ABCE1: variants seen among roughly 807,000 people sequenced by gnomAD.
The protein encoded by ABCE1 is ATP-binding cassette sub-family E member 1.
ABCE1 carries 22 observed loss-of-function variants against 83.4 expected under a neutral mutation model. The ratio of observed to expected loss-of-function variants is 0.26; its 90% confidence interval spans 0.19 to 0.38. The LOEUF (loss-of-function observed/expected upper bound fraction) is 0.38, where lower values mean the gene tolerates loss of function less well. Ranked by LOEUF, ABCE1 falls within the 10% of genes least tolerant of loss-of-function variation. The probability of loss-of-function intolerance (pLI) is 1.00; values close to 1 mark genes in which losing one functional copy is unlikely to be tolerated. For missense variants in ABCE1, 330 were observed against 721.9 expected, an observed-to-expected ratio of 0.46 and a Z score of 6.22; for synonymous variants, 204 against 233.7, an observed-to-expected ratio of 0.87 and a Z score of 1.16.
At chr4:145,099,659 G>A (rs1344779799) in intron 1 of ABCE1, among the ~76,000 whole-genome samples, 1 of 152,202 alleles carries the variant, frequency 6.6e-6, no homozygotes, top group African/African-American at 2.4e-5. Context: ...TGAAATCAGA[G>A]CCGTGTACCA....
chr4:145,126,041 TGCCCCC>T (rs950722066), intron 17 of ABCE1, among the ~76,000 whole-genome samples: 29 of 152,130 alleles, frequency 1.9e-4, no homozygotes, highest in African/African-American at 6.7e-4. Flanking sequence ...TCTCTGTCCC[TGCCCCC>T]GCCCCCGCAA....
intron 16 of ABCE1, 69 bp downstream of exon 16, chr4:145,123,669 A>G (rs1749801243): frequency 1.4e-6 from 2 of 1,435,994 alleles, no homozygotes; most frequent in Non-Finnish European, 1.9e-6. Context: ...AAAGTCACTC[A>G]CTTTAATTTT....
Position 145,123,344 on chromosome 4 carries a change from C to T in ABCE1, c.1504C>T (p.Arg502Ter), listed in dbSNP as rs1749793147. The change falls in exon 15 of 18, where the codon CGA becomes TGA. Residue 502 changes from arginine to a stop codon, truncating the protein, a stop_gained. Transcript: ENST00000296577. LOFTEE classifies it high-confidence loss of function. Reference protein sequence around the residue: ...LDSEQRLMAARVVKRFILHAK... With the variant: ...LDSEQRLMAA ...TTCTGAGCAAAGACTGATGGCAGCT[C>T]GAGTTGTCAAACGGTAAATATCTTG... The T allele has an allele frequency of 6.2e-7, 1 of 1,605,134 alleles. No homozygotes were observed. Among genetic ancestry groups the T allele is most frequent in the Non-Finnish European group, 8.5e-7 (1 of 1,175,622 alleles).
Position 145,128,626 on chromosome 4 carries a change from G to A in ABCE1, c.*1053G>A, listed in dbSNP as rs551348928. On this transcript the variant is annotated 3_prime_UTR_variant, in exon 18 of 18. Transcript: ENST00000296577. ...TTCCAAAAACCCATCTAAATTTCTT[G>A]AGTTCCTGAATTTTGAACAGGATTA... The A allele has an allele frequency of 3.3e-5, 5 of 152,240 alleles. No individual in the cohort carries two copies. The South Asian group carries it at 1.0e-3, about 32-fold the overall frequency. 9.4% of individuals were successfully genotyped at this position (152,240 alleles called of 1,614,324 possible).
chr4:145,111,893 C>T (rs1749486283), intron 8 of ABCE1, among the ~76,000 whole-genome samples: 1 of 152,134 alleles, frequency 6.6e-6, no homozygotes, highest in African/African-American at 2.4e-5. Context: ...AAATACCCTC[C>T]AAAAAACTAT....
At chr4:145,104,300 T>C in intron 1 of ABCE1, 86 bp from the exon 2 acceptor site, 5 of 496,942 alleles carry the variant, frequency 1.0e-5, no homozygotes, top group Non-Finnish European at 1.7e-5. Flanking sequence ...CTCCATATAA[T>C]GATCATTTAT....
At chr4:145,103,789 G>A (rs1006467762) in intron 1 of ABCE1, among the ~76,000 whole-genome samples, 10 of 148,526 alleles carry the variant, frequency 6.7e-5, no homozygotes, top group Non-Finnish European at 1.5e-4. Flanking sequence ...TTTGAGACTG[G>A]GTCTGACTCT....
At chr4:145,102,829 T>C (rs1749189784) in intron 1 of ABCE1, among the ~76,000 whole-genome samples, 1 of 152,058 alleles carries the variant, frequency 6.6e-6, no homozygotes, top group South Asian at 2.1e-4. Flanking sequence ...ATGGAGTATT[T>C]GAAGTTGAGG....
intron 5 of ABCE1, 68 bp from the exon 6 acceptor site, chr4:145,110,035 T>TC: frequency 7.4e-7 from 1 of 1,349,078 alleles, no homozygotes; most frequent in East Asian, 2.4e-5. Context: ...CTATTTCCTG[T>TC]AGCATTCATC....
intron 3 of ABCE1, 61 bp downstream of exon 3, chr4:145,105,751 T>C (rs1749285660): frequency 1.6e-6 from 2 of 1,219,600 alleles, no homozygotes; most frequent in Non-Finnish European, 2.4e-6. Context: ...CTGAAAATTC[T>C]GGATACTATG....
chr4:145,125,702 C>T (rs1749862173), intron 17 of ABCE1, among the ~76,000 whole-genome samples: 2 of 152,038 alleles, frequency 1.3e-5, no homozygotes, highest in South Asian at 4.2e-4. Flanking sequence ...ACTAATTCAC[C>T]ATTGTAACAA....
chr4:145,103,852 C>G (rs1749220786), intron 1 of ABCE1, among the ~76,000 whole-genome samples: 1 of 150,948 alleles, frequency 6.6e-6, no homozygotes. Context: ...ACCTCCACCT[C>G]CTAGGCTCAG....
At chr4:145,104,301 G>T in intron 1 of ABCE1, 85 bp from the exon 2 acceptor site, 2 of 485,494 alleles carry the variant, frequency 4.1e-6, no homozygotes, top group Non-Finnish European at 7.1e-6. Context: ...TCCATATAAT[G>T]ATCATTTATG....
At chr4:145,099,141 A>G (rs1488401676) in intron 1 of ABCE1, among the ~76,000 whole-genome samples, 1 of 152,184 alleles carries the variant, frequency 6.6e-6, no homozygotes, top group African/African-American at 2.4e-5. Flanking sequence ...GTCTTTACTC[A>G]GAATACCTTT....
At chr4:145,105,840 C>G (rs1749288611) in intron 3 of ABCE1, 150 bp downstream of exon 3, 3 of 453,404 alleles carry the variant, frequency 6.6e-6, no homozygotes, top group Non-Finnish European at 1.2e-5. Flanking sequence ...ATTCTAATAT[C>G]AGTGACATTG....
Position 145,121,459 on chromosome 4 carries a change from T to C in ABCE1, c.1263+68T>C, listed in dbSNP as rs1432162191. The C allele has an allele frequency of 2.5e-6, 3 of 1,192,188 alleles. No homozygotes were observed. In the African/African-American group the frequency reaches 4.7e-5, roughly 19 times the overall value. 73.9% of individuals were successfully genotyped at this position (1,192,188 alleles called of 1,614,324 possible). ...ATATATGCCTATAGCTTTCATCTTT[T>C]ACTATATTAAAATTTTTCTCCAAAT... On this transcript the variant is annotated intron_variant, in intron 13 of 17. Transcript: ENST00000296577.
rs1579220814 is a variant in ABCE1, at chr4:145,120,111, G to A, written c.1102G>A (p.Glu368Lys). The part of the protein sequence containing the change: ...GEFELAIVAG[E>K]FTDSEIMVML... ...ATTTGAGCTAGCAATTGTAGCTGGA[G>A]AGTTTACAGATTCTGAAATTATGGT... Residue 368 changes from glutamate to lysine, a missense_variant, in exon 11 of 18, where the codon GAG (glutamate) becomes AAG (lysine). Physicochemically the swap from Glu to Lys is moderately conservative, Grantham distance 56. Coordinates refer to ENST00000296577, the MANE Select transcript of ABCE1 (RefSeq NM_002940.3). The A allele has an allele frequency of 6.2e-7, 1 of 1,609,790 alleles. No homozygotes were observed. Among genetic ancestry groups the A allele is most frequent in the Non-Finnish European group, 8.5e-7 (1 of 1,178,784 alleles).
At chr4:145,103,075 A>T (rs753632526) in intron 1 of ABCE1, among the ~76,000 whole-genome samples, 2 of 152,196 alleles carry the variant, frequency 1.3e-5, no homozygotes, top group Non-Finnish European at 2.9e-5. Flanking sequence ...TCTGGTGGTC[A>T]CTACTAACTA....
intron 1 of ABCE1, 126 bp from the exon 2 acceptor site, chr4:145,104,260 A>T (rs900571496): frequency 2.1e-5 from 9 of 423,818 alleles, no homozygotes; most frequent in Non-Finnish European, 2.9e-5. Flanking sequence ...GTCAAAATTT[A>T]TATTTTTTTT....
Sources: allele counts gnomAD v4.1 joint callset (sites outside exome capture counted in the v4.1 genomes callset), GRCh38; gene constraint gnomAD v4.1.1; transcripts MANE v1.5; gene names NCBI Gene and HGNC (gene_info 2026-07-23, HGNC 2026-07-21).